Variants in USH2A observed in about 807,000 individuals in gnomAD.
The protein encoded by USH2A is usherin.
USH2A carries 443 observed loss-of-function variants against 538.9 expected under a neutral mutation model. The ratio of observed to expected loss-of-function variants is 0.82; its 90% CI spans 0.76 to 0.89. The LOEUF (loss-of-function observed/expected upper bound fraction) is 0.89, where lower values mean the gene tolerates loss of function less well. Among genes scored for constraint, USH2A ranks in the 40% least tolerant of loss-of-function variants. The pLI is 0.00. For synonymous variants in USH2A, 2,413 were observed against 2,273.5 expected, an observed-to-expected ratio of 1.06 and a Z score of -1.75; for missense variants, 6,633 against 6,324.8, an observed-to-expected ratio of 1.05 and a Z score of -1.65.
intron 38 of USH2A, among the ~76,000 whole-genome samples, chr1:215,915,930 CACA>C: frequency 6.6e-6 from 1 of 151,360 alleles, no homozygotes; most frequent in African/African-American, 2.4e-5. Flanking sequence ...AATAAACTAT[CACA>C]ACAACAAAAA....
At chr1:215,697,778 C>T (rs1386618985) in intron 61 of USH2A, among the ~76,000 whole-genome samples, 4 of 152,160 alleles carry the variant, frequency 2.6e-5, no homozygotes, top group African/African-American at 7.2e-5. Context: ...ACTTCGGACT[C>T]CCAAAGTGCT....
intron 14 of USH2A, among the ~76,000 whole-genome samples, chr1:216,230,565 A>C (rs1016585662): frequency 3.3e-5 from 5 of 152,178 alleles, no homozygotes; most frequent in Admixed American, 6.5e-5. Context: ...AAAGAAAGTC[A>C]AAATGAACTA....
At chr1:216,181,741 GC>G (rs1448778425) in intron 20 of USH2A, among the ~76,000 whole-genome samples, 7 of 152,140 alleles carry the variant, frequency 4.6e-5, no homozygotes, top group African/African-American at 1.7e-4. Flanking sequence ...CAAACTTGAA[GC>G]TTTTATGGGG....
intron 20 of USH2A, 99 bp from the exon 21 acceptor site, chr1:216,175,581 CT>C (rs1212734810): frequency 9.0e-7 from 1 of 1,115,756 alleles, no homozygotes; most frequent in Non-Finnish European, 1.3e-6. Flanking sequence ...ATATATCACA[CT>C]TCAAATCAAA....
At chr1:216,194,662 C>T (rs1336034660) in intron 19 of USH2A, among the ~76,000 whole-genome samples, 2 of 151,982 alleles carry the variant, frequency 1.3e-5, no homozygotes, top group African/African-American at 4.8e-5. Context: ...CTGAGACATG[C>T]TAGGATATCC....
intron 29 of USH2A, 118 bp downstream of exon 29, chr1:216,072,771 T>G (rs534990386): frequency 1.0e-6 from 1 of 977,476 alleles, no homozygotes; most frequent in Non-Finnish European, 1.6e-6. Context: ...CAAGGCATGC[T>G]CTGTCAGAAG....
intron 9 of USH2A, among the ~76,000 whole-genome samples, chr1:216,301,705 A>T (rs1571679708): frequency 2.0e-5 from 3 of 152,314 alleles, no homozygotes; most frequent in South Asian, 4.1e-4. Context: ...AAAGTGAAAG[A>T]TTATAAAATG....
At chr1:216,153,278 A>G (rs2033875526) in intron 21 of USH2A, among the ~76,000 whole-genome samples, 1 of 152,112 alleles carries the variant, frequency 6.6e-6, no homozygotes, top group South Asian at 2.1e-4. Flanking sequence ...ATTGTAACAC[A>G]CCCACTGGGG....
At chr1:216,067,154 C>T (rs1244513029) in intron 30 of USH2A, among the ~76,000 whole-genome samples, 1 of 152,134 alleles carries the variant, frequency 6.6e-6, no homozygotes, top group Non-Finnish European at 1.5e-5. Context: ...AGCAAACTAA[C>T]ACAGGAACAG....
chr1:215,696,371 G>A (rs1440585443), intron 61 of USH2A, among the ~76,000 whole-genome samples: 1 of 152,164 alleles, frequency 6.6e-6, no homozygotes, highest in African/African-American at 2.4e-5. Context: ...TCAAACCTGT[G>A]TTGTTCAAGG....
chr1:216,053,083 A>G (rs990246768), intron 30 of USH2A, among the ~76,000 whole-genome samples: 5 of 152,256 alleles, frequency 3.3e-5, no homozygotes, highest in African/African-American at 1.2e-4. Flanking sequence ...GGTTTCTAAC[A>G]TAAGAAAATA....
intron 44 of USH2A, among the ~76,000 whole-genome samples, chr1:215,849,310 T>C (rs1365239283): frequency 6.6e-6 from 1 of 152,060 alleles, no homozygotes; most frequent in Non-Finnish European, 1.5e-5. Flanking sequence ...TGAAGTAGGT[T>C]TGTAAAATCA....
chr1:215,850,212 G>A (rs1400678222), intron 44 of USH2A, among the ~76,000 whole-genome samples: 2 of 151,978 alleles, frequency 1.3e-5, no homozygotes, highest in Non-Finnish European at 2.9e-5. Context: ...AAAAGTAACA[G>A]CATATTAAGT....
intron 46 of USH2A, among the ~76,000 whole-genome samples, chr1:215,841,099 C>A (rs1178170542): frequency 6.6e-6 from 1 of 152,036 alleles, no homozygotes; most frequent in East Asian, 1.9e-4. Flanking sequence ...GAATAAATAT[C>A]ATGAAAATGG....
chr1:216,175,208 G>A (rs201644749), intron 21 of USH2A, 44 bp downstream of exon 21: 37 of 1,611,590 alleles, frequency 2.3e-5, no homozygotes, highest in Middle Eastern at 1.7e-4. Context: ...AAAACATTTT[G>A]GAGCTTCGTG....
At chr1:215,799,250 T>C (rs1345590538) in intron 49 of USH2A, 125 bp from the exon 50 acceptor site, 3 of 1,196,324 alleles carry the variant, frequency 2.5e-6, no homozygotes, top group Non-Finnish European at 3.6e-6. Context: ...AAGAGAATAA[T>C]ATCATATTGG....
chr1:216,074,295 C>T (rs928009689), intron 27 of USH2A, among the ~76,000 whole-genome samples: 3 of 147,382 alleles, frequency 2.0e-5, no homozygotes, highest in African/African-American at 7.4e-5. Flanking sequence ...ACAAACAGGA[C>T]CGAGTTTGAG....
chr1:216,406,132 T>C (rs2039391137), intron 3 of USH2A, among the ~76,000 whole-genome samples: 1 of 152,148 alleles, frequency 6.6e-6, no homozygotes, highest in Non-Finnish European at 1.5e-5. Context: ...CTGTGGTGGA[T>C]AAAATTTTAA....
At chr1:216,330,570 G>A (rs189646985) in intron 4 of USH2A, among the ~76,000 whole-genome samples, 2 of 151,932 alleles carry the variant, frequency 1.3e-5, no homozygotes, top group Non-Finnish European at 2.9e-5. Flanking sequence ...AGAATAAAAG[G>A]GGGGAGGTTA....
Sources: allele counts gnomAD v4.1 joint callset (sites outside exome capture counted in the v4.1 genomes callset), GRCh38; gene constraint gnomAD v4.1.1; transcripts MANE v1.5; gene names NCBI Gene and HGNC (gene_info 2026-07-23, HGNC 2026-07-21).